Variants in SLC39A14 observed in about 807,000 individuals in gnomAD.
The protein encoded by SLC39A14 is metal cation symporter ZIP14.
In SLC39A14, 19 loss-of-function variants were observed where a neutral mutation model predicts 45.5. That is an observed-to-expected ratio of 0.42 (90% CI 0.29 to 0.61). The LOEUF is 0.61. Among genes scored for constraint, SLC39A14 ranks in the 20% least tolerant of loss-of-function variants. The pLI, the probability that SLC39A14 is intolerant of heterozygous loss-of-function variation, is 0.22. For missense variants in SLC39A14, 447 were observed against 616.5 expected, an observed-to-expected ratio of 0.73 and a Z score of 2.91; for synonymous variants, 264 against 251.3, an observed-to-expected ratio of 1.05 and a Z score of -0.48.
intron 1 of SLC39A14, among the ~76,000 whole-genome samples, chr8:22,369,220 G>T (rs925870127): frequency 1.3e-5 from 2 of 152,176 alleles, no homozygotes; most frequent in African/African-American, 4.8e-5. Context: ...CAGGCCAAAA[G>T]CAGGTTCTTG....
chr8:22,428,408 T>C (rs1159426189), intron 8 of SLC39A14, among the ~76,000 whole-genome samples: 1 of 151,454 alleles, frequency 6.6e-6, no homozygotes, highest in Non-Finnish European at 1.5e-5. Flanking sequence ...CTTAGCTTAG[T>C]AGAAAAATTT....
intron 8 of SLC39A14, among the ~76,000 whole-genome samples, chr8:22,432,119 C>T (rs1018207931): frequency 1.3e-5 from 2 of 152,084 alleles, no homozygotes; most frequent in African/African-American, 4.8e-5. Context: ...TCGCTTTAGT[C>T]CAGGAGTTCC....
At chr8:22,402,567 C>G (rs546632598) in intron 1 of SLC39A14, among the ~76,000 whole-genome samples, 9 of 152,084 alleles carry the variant, frequency 5.9e-5, no homozygotes, top group African/African-American at 1.9e-4. Flanking sequence ...GTCAGCAGTT[C>G]GAGAACAGCC....
intron 1 of SLC39A14, among the ~76,000 whole-genome samples, chr8:22,399,612 A>G (rs1834735923): frequency 6.6e-6 from 1 of 152,252 alleles, no homozygotes; most frequent in Admixed American, 6.5e-5. Context: ...AGGAAAGAGC[A>G]GCTGTGCTGC....
At position 22,420,877 on chromosome 8, in the gene SLC39A14, C is replaced by G. The variant is rs907010021; in HGVS notation, c.*1179C>G. The stretch of plus-strand genomic sequence containing the variant: ...TGCTACAGATGGGTTTTAAATGACC[C>G]GTCTAGGTTACTGCTTCCTTGCAAA... On this transcript the variant is annotated 3_prime_UTR_variant, in exon 9 of 9. Coordinates refer to ENST00000381237, the MANE Select transcript of SLC39A14 (RefSeq NM_001128431.4). 1.3e-5 allele frequency: 13 copies of G among 985,490 alleles called. No homozygotes were observed. The highest frequency in any genetic ancestry group is 1.6e-5 in the Non-Finnish European group (13 of 829,900). 61.0% of individuals were successfully genotyped at this position (985,490 alleles called of 1,614,324 possible). A position where few individuals can be genotyped will look rare whatever the true frequency, so the allele number is the denominator to read the frequency against.
chr8:22,380,887 C>T (rs779538493), intron 1 of SLC39A14, among the ~76,000 whole-genome samples: 4 of 151,762 alleles, frequency 2.6e-5, no homozygotes, highest in Admixed American at 6.6e-5. Context: ...ATGTTGCGCA[C>T]GCTAGTCTCA....
chr8:22,410,906 G>T (rs745788767), intron 3 of SLC39A14, among the ~76,000 whole-genome samples: 18 of 152,208 alleles, frequency 1.2e-4, no homozygotes, highest in Non-Finnish European at 4.4e-5. Context: ...CCCCATTAGG[G>T]AGTCATGGAT....
At chr8:22,390,123 C>A in intron 1 of SLC39A14, 1 of 168,984 alleles carries the variant, frequency 5.9e-6, no homozygotes, top group Non-Finnish European at 1.3e-5. Context: ...ACAGCTATGC[C>A]GACAGCATGG....
chr8:22,385,386 G>A (rs1017509569), intron 1 of SLC39A14, among the ~76,000 whole-genome samples: 14 of 152,186 alleles, frequency 9.2e-5, no homozygotes, highest in Non-Finnish European at 1.3e-4. Flanking sequence ...GTCTAGTTAG[G>A]AGGAGATGGA....
At chr8:22,404,599 G>T in intron 1 of SLC39A14, 97 bp from the exon 2 acceptor site, 2 of 1,137,244 alleles carry the variant, frequency 1.8e-6, no homozygotes, top group East Asian at 2.4e-5. Flanking sequence ...GAGACTGAGG[G>T]ATAGTCTCAA....
chr8:22,405,467 C>T (rs562640498), intron 2 of SLC39A14, among the ~76,000 whole-genome samples: 7 of 152,160 alleles, frequency 4.6e-5, no homozygotes, highest in South Asian at 2.1e-4. Context: ...GAGCCAAGAT[C>T]GAGCCATTGC....
At chr8:22,394,000 C>G (rs1834227535) in intron 1 of SLC39A14, among the ~76,000 whole-genome samples, 2 of 141,682 alleles carry the variant, frequency 1.4e-5, no homozygotes, top group South Asian at 2.3e-4. Context: ...TATTTCTTAT[C>G]TGAAGGGGTG....
chr8:22,413,430 T>G (rs914010441), intron 4 of SLC39A14, among the ~76,000 whole-genome samples: 16 of 152,240 alleles, frequency 1.1e-4, no homozygotes, highest in African/African-American at 3.9e-4. Flanking sequence ...CCCATGATTC[T>G]GTATTCACCA....
intron 1 of SLC39A14, among the ~76,000 whole-genome samples, chr8:22,395,316 G>T (rs1563529680): frequency 6.6e-6 from 1 of 152,168 alleles, no homozygotes; most frequent in Admixed American, 6.5e-5. Flanking sequence ...TCATTCTTGG[G>T]TTCCCCTCTC....
intron 8 of SLC39A14, among the ~76,000 whole-genome samples, chr8:22,418,719 T>TG (rs1257462548): frequency 1.3e-5 from 2 of 152,056 alleles, no homozygotes; most frequent in East Asian, 3.9e-4. Flanking sequence ...TTTTATAGAA[T>TG]GGGGTCTCTA....
At chr8:22,426,735 G>A (rs747985966), downstream of SLC39A14, among the ~76,000 whole-genome samples, 1 of 152,130 alleles carries the variant, frequency 6.6e-6, no homozygotes, top group African/African-American at 2.4e-5. Flanking sequence ...CCAGGCTGGA[G>A]TGCAGTGGTG....
At chr8:22,392,542 C>CA (rs1280079493) in intron 1 of SLC39A14, among the ~76,000 whole-genome samples, 1 of 152,224 alleles carries the variant, frequency 6.6e-6, no homozygotes, top group Non-Finnish European at 1.5e-5. Flanking sequence ...TGCCCGGCCT[C>CA]ACGGTCTGAC....
chr8:22,375,784 A>G (rs1387555320), intron 1 of SLC39A14, among the ~76,000 whole-genome samples: 1 of 152,144 alleles, frequency 6.6e-6, no homozygotes, highest in Non-Finnish European at 1.5e-5. Flanking sequence ...CACTGCACCC[A>G]GCCATGGCTG....
At chr8:22,391,957 A>G (rs1212426313) in intron 1 of SLC39A14, among the ~76,000 whole-genome samples, 2 of 152,212 alleles carry the variant, frequency 1.3e-5, no homozygotes, top group Non-Finnish European at 2.9e-5. Flanking sequence ...CTAGCACATT[A>G]TGTGCCCAGC....
Sources: allele counts gnomAD v4.1 joint callset (sites outside exome capture counted in the v4.1 genomes callset), GRCh38; gene constraint gnomAD v4.1.1; transcripts MANE v1.5; gene names NCBI Gene and HGNC (gene_info 2026-07-23, HGNC 2026-07-21).